The following MTMR8 variants were observed in gnomAD, a reference collection of about 807,000 sequenced individuals.
The protein encoded by MTMR8 is myotubularin related protein 8.
Under a neutral mutation model 39.3 loss-of-function variants are expected in MTMR8, and 65 were observed. That is an observed-to-expected ratio of 1.65 (90% CI 1.35 to 2.03). The LOEUF is 2.03. Ranked by LOEUF, MTMR8 falls within the 30% of genes most tolerant of loss-of-function variation. The probability of loss-of-function intolerance (pLI) is 0.00; values close to 1 mark genes in which losing one functional copy is unlikely to be tolerated. For synonymous variants in MTMR8, 245 were observed against 185.2 expected (o/e 1.32, Z -2.62); for missense variants, 777 against 538.9 (o/e 1.44, Z -4.37).
intron 1 of MTMR8, among the ~76,000 whole-genome samples, chrX:64,368,141 T>C (rs1924028123): frequency 9.0e-6 from 1 of 111,657 alleles, no homozygotes; most frequent in East Asian, 2.8e-4. Context: ...TCCATGCTCA[T>C]GGGTAGGAAG....
intron 12 of MTMR8, among the ~76,000 whole-genome samples, chrX:64,317,099 G>A (rs1427916517): frequency 3.1e-5 from 3 of 96,821 alleles, no homozygotes; most frequent in Non-Finnish European, 6.0e-5. Flanking sequence ...ATGACAGAGC[G>A]AGACTGTGTC....
intron 8 of MTMR8, among the ~76,000 whole-genome samples, chrX:64,337,766 T>G (rs903129449): frequency 2.7e-5 from 3 of 111,884 alleles, no homozygotes; most frequent in Admixed American, 9.5e-5. Context: ...GTCCCAGATC[T>G]GACAACAATC....
intron 12 of MTMR8, chrX:64,304,946 GTATAAACATATATA>G (rs1171734799): frequency 1.9e-5 from 1 of 52,759 alleles, no homozygotes; most frequent in African/African-American, 5.4e-5. Flanking sequence ...ACACATATAT[GTATAAACATATATA>G]TATGTATATA....
rs140610762 is a variant in MTMR8, at chrX:64,329,371, T to C, written c.1353-471A>G. Among the ~76,000 whole-genome samples, 31 of 111,976 alleles carry C rather than the reference T, an allele frequency of 2.8e-4. No individual in the cohort carries two copies. In the East Asian group the frequency reaches 8.4e-3, roughly 30 times the overall value. On this transcript the variant is annotated intron_variant, in intron 11 of 13. Coordinates refer to ENST00000374852, the MANE Select transcript of MTMR8 (RefSeq NM_017677.4). The stretch of plus-strand genomic sequence containing the variant: ...CTATGGGGTGAATTTCTGGCTCTTC[T>C]ATATTTCATTTTACTTAAAGCCAGC...
At chrX:64,350,127 T>C (rs1198695351) in intron 4 of MTMR8, 57 bp from the exon 5 acceptor site, 2 of 721,198 alleles carry the variant, frequency 2.8e-6, no homozygotes, top group Non-Finnish European at 3.5e-6. Flanking sequence ...TATATATAAC[T>C]GTCTCTTTGG....
intron 9 of MTMR8, 48 bp from the exon 10 acceptor site, chrX:64,336,176 T>C: frequency 1.1e-6 from 1 of 939,009 alleles, no homozygotes; most frequent in African/African-American, 1.9e-5. Context: ...AATCATAAAA[T>C]GAATTAACCA....
At chrX:64,270,382 C>T (rs370665365) in intron 13 of MTMR8, among the ~76,000 whole-genome samples, 1 of 112,155 alleles carries the variant, frequency 8.9e-6, no homozygotes, top group East Asian at 2.8e-4. Flanking sequence ...GGTACCTTTC[C>T]CCTGTCCTTC....
At chrX:64,367,134 A>T (rs1923987322) in intron 1 of MTMR8, among the ~76,000 whole-genome samples, 1 of 111,839 alleles carries the variant, frequency 8.9e-6, no homozygotes, top group South Asian at 3.7e-4. Flanking sequence ...TCAACCAAAA[A>T]AAAGTCCAGG....
At position 64,371,098 on chromosome X, in the gene MTMR8, G is replaced by A. The variant is rs7057507; in HGVS notation, c.25-11571C>T. 3.3e-3 allele frequency among the ~76,000 whole-genome samples: 364 copies of A among 111,976 alleles called. 1 individual carries two copies. The highest frequency in any genetic ancestry group is 0.011 in the African/African-American group (340 of 30,882). Reference sequence around the variant, plus strand: ...CTTGAACTCAGGAGTTTGAGGCTGCGATTGCACCATGACACTCCACACCAG... The same window carrying A: ...CTTGAACTCAGGAGTTTGAGGCTGCAATTGCACCATGACACTCCACACCAG... On this transcript the variant is annotated intron_variant, in intron 1 of 13. Coordinates refer to ENST00000374852, the MANE Select transcript of MTMR8 (RefSeq NM_017677.4).
At chrX:64,329,584 C>A (rs1234874932) in intron 11 of MTMR8, among the ~76,000 whole-genome samples, 1 of 111,367 alleles carries the variant, frequency 9.0e-6, no homozygotes, top group Non-Finnish European at 1.9e-5. Context: ...GTTAACACCT[C>A]AAAATACATG....
At chrX:64,285,114 AG>A in intron 12 of MTMR8, among the ~76,000 whole-genome samples, 1 of 111,647 alleles carries the variant, frequency 9.0e-6, no homozygotes, top group Non-Finnish European at 1.9e-5. Flanking sequence ...CTCAAAATAA[AG>A]GGATGGAGGA....
chrX:64,325,762 T>C (rs1311532675), intron 12 of MTMR8, among the ~76,000 whole-genome samples: 1 of 112,081 alleles, frequency 8.9e-6, no homozygotes, highest in Non-Finnish European at 1.9e-5. Flanking sequence ...ACTTCTATTC[T>C]ACTTAGTATT....
intron 12 of MTMR8, among the ~76,000 whole-genome samples, chrX:64,296,480 A>G (rs960868422): frequency 1.2e-4 from 13 of 110,951 alleles, no homozygotes; most frequent in African/African-American, 4.3e-4. Context: ...ATATTTTACA[A>G]AAACCAAAAC....
intron 12 of MTMR8, among the ~76,000 whole-genome samples, chrX:64,301,951 A>T (rs1313203467): frequency 1.8e-5 from 2 of 111,698 alleles, no homozygotes; most frequent in Non-Finnish European, 3.8e-5. Context: ...GTGCTGGGAG[A>T]CCCACTGCTC....
At position 64,346,123 on chromosome X, in the gene MTMR8, T is replaced by C. The variant is rs997188075; in HGVS notation, c.733-946A>G. Among the ~76,000 whole-genome samples, 7 of 111,457 alleles carry C rather than the reference T, an allele frequency of 6.3e-5. No individual in the cohort carries two copies. The East Asian group carries it at 2.0e-3, about 32-fold the overall frequency. On this transcript the variant is annotated intron_variant, in intron 6 of 13. Coordinates refer to ENST00000374852, the MANE Select transcript of MTMR8 (RefSeq NM_017677.4). ...GAGACTTGTGGAAATATGAATATAA[T>C]AACCAGAAGGCAGCCAAGATACTGT...
chrX:64,295,825 T>C (rs1207186499), intron 12 of MTMR8, among the ~76,000 whole-genome samples: 1 of 111,811 alleles, frequency 8.9e-6, no homozygotes, highest in East Asian at 2.8e-4. Context: ...TTGGTGAGGA[T>C]ACAGAAAAAA....
chrX:64,291,092 A>G (rs973235509), intron 12 of MTMR8, among the ~76,000 whole-genome samples: 75 of 111,696 alleles, frequency 6.7e-4, no homozygotes, highest in African/African-American at 2.4e-3. Flanking sequence ...CTATTACATA[A>G]ATGAGCCAAA....
At position 64,337,319 on chromosome X, in the gene MTMR8, T is replaced by C. The variant is rs755434468; in HGVS notation, c.1050A>G (p.Ser350=). 9.1e-6 allele frequency: 11 copies of C among 1,208,103 alleles called. No individual in the cohort carries two copies. Among genetic ancestry groups the C allele is most frequent in the Non-Finnish European group, 1.0e-5 (9 of 893,814 alleles). The change falls in exon 9 of 14, where the codon TCA becomes TCG. Residue 350 remains serine, a synonymous_variant. Coordinates refer to ENST00000374852, the MANE Select transcript of MTMR8 (RefSeq NM_017677.4). ...DGWDRTAQVC[S]VASILLDPFY... The stretch of plus-strand genomic sequence containing the variant: ...ATGGATCTAGGAGGATGCTAGCCAC[T>C]GAGCAGACTTGTGCTGTGCGGTCCC...
chrX:64,319,291 T>TA (rs941276261), intron 12 of MTMR8, among the ~76,000 whole-genome samples: 1 of 112,369 alleles, frequency 8.9e-6, no homozygotes, highest in Non-Finnish European at 1.9e-5. Context: ...AATGCTTAGT[T>TA]AAAAAAAGAG....
Sources: allele counts gnomAD v4.1 joint callset (sites outside exome capture counted in the v4.1 genomes callset), GRCh38; gene constraint gnomAD v4.1.1; transcripts MANE v1.5; gene names NCBI Gene and HGNC (gene_info 2026-07-23, HGNC 2026-07-21).